The following ITPK1 variants were observed in gnomAD, a reference collection of about 807,000 sequenced individuals.
ITPK1 encodes the protein inositol 1,3,4-trisphosphate 5/6-kinase.
In ITPK1, 21 loss-of-function variants were observed where a neutral mutation model predicts 45.3. The observed-to-expected ratio is 0.46, with a 90% CI of 0.33 to 0.67. ITPK1 has a LOEUF of 0.67. Ranked by LOEUF, ITPK1 falls within the 30% of genes least tolerant of loss-of-function variation. The probability of loss-of-function intolerance (pLI) is 0.02; values close to 1 mark genes in which losing one functional copy is unlikely to be tolerated. For missense variants in ITPK1, 474 were observed against 573.5 expected (o/e 0.83, Z 1.77); for synonymous variants, 258 against 253.6 (o/e 1.02, Z -0.16).
At chr14:92,984,231 C>G (rs370818950) in intron 5 of ITPK1, among the ~76,000 whole-genome samples, 1 of 152,196 alleles carries the variant, frequency 6.6e-6, no homozygotes, top group Admixed American at 6.5e-5. Context: ...CACACTAATA[C>G]AGGGAACTCA....
chr14:93,065,065 A>T (rs929612719), intron 3 of ITPK1, among the ~76,000 whole-genome samples: 2 of 152,038 alleles, frequency 1.3e-5, no homozygotes, highest in Non-Finnish European at 2.9e-5. Context: ...ACCTGGGGAG[A>T]TCCAGAAAGA....
intron 5 of ITPK1, among the ~76,000 whole-genome samples, chr14:92,992,314 C>A (rs1886827305): frequency 6.6e-6 from 1 of 152,218 alleles, no homozygotes. Flanking sequence ...AAACCTTCAC[C>A]CATGGCAGAC....
intron 10 of ITPK1, among the ~76,000 whole-genome samples, chr14:92,945,581 GCT>G (rs1282129784): frequency 6.6e-6 from 1 of 152,226 alleles, no homozygotes; most frequent in African/African-American, 2.4e-5. Flanking sequence ...ATCAAGCGCG[GCT>G]CTGTCTCTGA....
At chr14:92,953,179 G>A (rs962685937) in intron 8 of ITPK1, among the ~76,000 whole-genome samples, 1 of 152,252 alleles carries the variant, frequency 6.6e-6, no homozygotes, top group Non-Finnish European at 1.5e-5. Flanking sequence ...ACTTCACAGC[G>A]CCGCAACAAT....
At position 93,035,009 on chromosome 14, in the gene ITPK1, A is replaced by G. The variant is rs529502297; in HGVS notation, c.121-18208T>C. Among the ~76,000 whole-genome samples the G allele has an allele frequency of 5.9e-4, 89 of 152,040 alleles. 1 individual carries two copies. Among genetic ancestry groups the G allele is most frequent in the Middle Eastern group, 6.8e-3 (2 of 294 alleles). On this transcript the variant is annotated intron_variant, in intron 3 of 10. Transcript: ENST00000267615. The stretch of plus-strand genomic sequence containing the variant: ...AAAGCAAGTCCTACAGGGTGAACAC[A>G]CCTCCTTCTTTTGGGTCCTGCCTCT...
intron 2 of ITPK1, among the ~76,000 whole-genome samples, chr14:93,111,189 G>A (rs947005500): frequency 1.3e-5 from 2 of 152,166 alleles, no homozygotes; most frequent in African/African-American, 4.8e-5. Context: ...CAAGTCATGT[G>A]CCTCTTCCGC....
At chr14:93,018,625 T>C (rs12587862) in intron 3 of ITPK1, among the ~76,000 whole-genome samples, 38,412 of 151,852 alleles carry the variant, frequency 0.25, 5,292 homozygotes, top group Admixed American at 0.35. Flanking sequence ...CAAAACAACA[T>C]AAAATAAAAC....
intron 5 of ITPK1, among the ~76,000 whole-genome samples, chr14:92,973,278 T>A (rs1486377379): frequency 6.6e-6 from 1 of 152,196 alleles, no homozygotes; most frequent in Non-Finnish European, 1.5e-5. Flanking sequence ...CTCTGGCACA[T>A]GTGCACGTGT....
Position 93,031,006 on chromosome 14 carries a change from T to C in ITPK1, c.121-14205A>G, listed in dbSNP as rs185580257. ...TCCACCCCCAGCAGGGAGAGATGGC[T>C]GGAACAGGCCCCGCTGCCTCGGAAG... On this transcript the variant is annotated intron_variant, in intron 3 of 10. Transcript: ENST00000267615. Among the ~76,000 whole-genome samples the C allele has an allele frequency of 7.9e-5, 12 of 152,278 alleles. 1 individual carries two copies. The East Asian group carries it at 2.3e-3, about 29-fold the overall frequency.
chr14:93,031,322 G>C (rs559698425), intron 3 of ITPK1, among the ~76,000 whole-genome samples: 1 of 152,278 alleles, frequency 6.6e-6, no homozygotes, highest in South Asian at 2.1e-4. Flanking sequence ...TCCTCAGAGT[G>C]GGGGAAGCTG....
chr14:93,095,075 A>G (rs941536), intron 2 of ITPK1, among the ~76,000 whole-genome samples: 9,268 of 152,144 alleles, frequency 0.061, 555 homozygotes, highest in African/African-American at 0.14. Context: ...TTCATCTAAC[A>G]CTTCACCTCC....
intron 2 of ITPK1, among the ~76,000 whole-genome samples, chr14:93,102,435 T>G (rs1456652481): frequency 2.6e-5 from 4 of 152,270 alleles, no homozygotes; most frequent in Admixed American, 1.3e-4. Context: ...TTCCTTTTCT[T>G]TTCAAGGATC....
chr14:93,097,846 T>C (rs1447791906), intron 2 of ITPK1, among the ~76,000 whole-genome samples: 2 of 152,030 alleles, frequency 1.3e-5, no homozygotes, highest in Non-Finnish European at 2.9e-5. Flanking sequence ...CTGTCTCTAC[T>C]ACAAGTACAA....
At chr14:92,944,561 C>T (rs960040014) in intron 10 of ITPK1, among the ~76,000 whole-genome samples, 13 of 152,166 alleles carry the variant, frequency 8.5e-5, no homozygotes, top group African/African-American at 2.7e-4. Context: ...TGCAAAGCTT[C>T]CCACCCTCTC....
intron 3 of ITPK1, chr14:93,068,365 C>T (rs1165294869): frequency 6.6e-6 from 1 of 152,452 alleles, no homozygotes; most frequent in Non-Finnish European, 1.5e-5. Context: ...AAGCCCGTGG[C>T]GGTCCTCCTT....
Position 93,016,649 on chromosome 14 carries a change from G to A in ITPK1, c.246+27C>T. 6.2e-7 allele frequency: 1 copy of A among 1,611,220 alleles called. No homozygotes were observed. Among genetic ancestry groups the A allele is most frequent in the Non-Finnish European group, 8.5e-7 (1 of 1,178,034 alleles). On this transcript the variant is annotated intron_variant, in intron 4 of 10. Coordinates refer to ENST00000267615, the MANE Select transcript of ITPK1 (RefSeq NM_014216.6). The surrounding 1 kb of genome is among the most constrained non-coding windows in gnomAD (Gnocchi z 5.0). ...CCCTCCTCCTCCTGAAAATGCCACAGCCAAGGGCTGCATGGTCCTCACTCA... is the reference window on the plus strand; with the variant it reads ...CCCTCCTCCTCCTGAAAATGCCACAACCAAGGGCTGCATGGTCCTCACTCA...
chr14:93,099,556 CACCCACCCAGCTGGCTGCTGG>C (rs1892227978), intron 2 of ITPK1, among the ~76,000 whole-genome samples: 1 of 152,172 alleles, frequency 6.6e-6, no homozygotes, highest in Non-Finnish European at 1.5e-5. Context: ...CCAGTATGTC[CACCCACCCAGCTGGCTGCTGG>C]GCGCAGCCAG....
intron 3 of ITPK1, among the ~76,000 whole-genome samples, chr14:93,026,538 C>T (rs901501482): frequency 2.0e-5 from 3 of 152,192 alleles, no homozygotes; most frequent in Non-Finnish European, 2.9e-5. Context: ...CAGATTCAAC[C>T]GTCTCGACGG....
intron 4 of ITPK1, among the ~76,000 whole-genome samples, chr14:93,015,051 G>T (rs1009887607): frequency 6.6e-6 from 1 of 152,250 alleles, no homozygotes; most frequent in East Asian, 1.9e-4. Flanking sequence ...GAAGGAGACG[G>T]GGGTGAGGCA....
Sources: allele counts gnomAD v4.1 joint callset (sites outside exome capture counted in the v4.1 genomes callset), GRCh38; gene constraint gnomAD v4.1.1; non-coding constraint Gnocchi (gnomAD v3.1); transcripts MANE v1.5; gene names NCBI Gene and HGNC (gene_info 2026-07-23, HGNC 2026-07-21).